The following NUCB2 variants were observed in gnomAD, a reference collection of about 807,000 sequenced individuals.
The protein encoded by NUCB2 is nucleobindin 2.
NUCB2 carries 48 observed loss-of-function variants against 57.9 expected under a neutral mutation model. That is an observed-to-expected ratio of 0.83 (90% CI 0.66 to 1.05). The LOEUF (loss-of-function observed/expected upper bound fraction) is 1.05, where lower values mean the gene tolerates loss of function less well. Among genes scored for constraint, NUCB2 ranks in the 50% least tolerant of loss-of-function variants. NUCB2 has a pLI of 0.00. For missense variants in NUCB2, 442 were observed against 476.2 expected, an observed-to-expected ratio of 0.93 and a Z score of 0.67; for synonymous variants, 139 against 152.1, an observed-to-expected ratio of 0.91 and a Z score of 0.64.
intron 11 of NUCB2, among the ~76,000 whole-genome samples, chr11:17,320,312 A>C (rs1384010283): frequency 6.6e-6 from 1 of 152,202 alleles, no homozygotes; most frequent in Non-Finnish European, 1.5e-5. Context: ...CCTAGAATGT[A>C]CAAGAAGTTT....
chr11:17,333,583 C>G (rs986779737), downstream of NUCB2: 1 of 152,284 alleles, frequency 6.6e-6, no homozygotes, highest in African/African-American at 2.4e-5. Context: ...TCTCCATCCC[C>G]TTTGTTCTTA....
In NUCB2 at chr11:17,303,622, C is replaced by T. The variant is rs577623126; in HGVS notation, c.379+1752C>T. Among the ~76,000 whole-genome samples, 192 of 152,278 alleles carry T rather than the reference C, an allele frequency of 1.3e-3. 1 individual carries two copies. The highest frequency in any genetic ancestry group is 4.4e-3 in the African/African-American group (181 of 41,552). Reference sequence around the variant, plus strand: ...TTATCTTGCTGGGCATGATGGCTCACGCCTGTAATCCCAGCACTTTGGGAG... The same window carrying T: ...TTATCTTGCTGGGCATGATGGCTCATGCCTGTAATCCCAGCACTTTGGGAG... On this transcript the variant is annotated intron_variant, in intron 5 of 13. Coordinates refer to ENST00000529010, the MANE Select transcript of NUCB2 (RefSeq NM_005013.4).
intron 2 of NUCB2, among the ~76,000 whole-genome samples, chr11:17,342,950 G>T (rs1340174569): frequency 6.6e-5 from 10 of 152,116 alleles, no homozygotes; most frequent in Admixed American, 6.6e-4. Flanking sequence ...GGGAGTCTAA[G>T]TCTCTTTGTA....
chr11:17,303,786 GA>G (rs1565412663), intron 5 of NUCB2, among the ~76,000 whole-genome samples: 1 of 151,534 alleles, frequency 6.6e-6, no homozygotes, highest in Non-Finnish European at 1.5e-5. Flanking sequence ...TTAGAAGGCT[GA>G]GGCAGGAGAA....
intron 2 of NUCB2, among the ~76,000 whole-genome samples, chr11:17,292,134 A>G (rs1291450370): frequency 6.6e-6 from 1 of 152,188 alleles, no homozygotes; most frequent in Non-Finnish European, 1.5e-5. Context: ...ACTAAGTTCA[A>G]GTTAAATTCT....
rs1362495778 is a variant in NUCB2, at chr11:17,330,308, G to C, written c.1173+11G>C. 6.3e-7 allele frequency: 1 copy of C among 1,579,990 alleles called. No individual in the cohort carries two copies. Among genetic ancestry groups the C allele is most frequent in the East Asian group, 2.3e-5 (1 of 44,394 alleles). On this transcript the variant is annotated intron_variant, in intron 12 of 13. Transcript: ENST00000529010. The surrounding 1 kb of genome is among the most constrained non-coding windows in gnomAD (Gnocchi z 4.3). ...CTGGAATATCATCAGGTGGCATTTT[G>C]TCAAAAGATTATGGCATTAAAAAGA...
intron 5 of NUCB2, among the ~76,000 whole-genome samples, chr11:17,308,114 G>A (rs1432837970): frequency 6.6e-6 from 1 of 152,110 alleles, no homozygotes; most frequent in Non-Finnish European, 1.5e-5. Context: ...TTAGAATTCA[G>A]TGAAAACTTG....
At chr11:17,282,495 A>G (rs1942914139) in intron 1 of NUCB2, among the ~76,000 whole-genome samples, 1 of 152,030 alleles carries the variant, frequency 6.6e-6, no homozygotes, top group African/African-American at 2.4e-5. Context: ...TCCTGACCTC[A>G]GGTGATCTCT....
chr11:17,295,172 A>G lies in NUCB2; in HGVS notation c.1-152A>G. 3.6e-6 allele frequency: 2 copies of G among 557,084 alleles called. No individual in the cohort carries two copies. Among genetic ancestry groups the G allele is most frequent in the South Asian group, 4.1e-5 (1 of 24,108 alleles). The allele number at this position is 557,084 out of a possible 1,614,324, so 34.5% of individuals were successfully genotyped here. ...TCTATTTTAAGCATTATTTTTGACA[A>G]GTTTTAATCTATTCTTTCCTTTCCT... On this transcript the variant is annotated intron_variant, in intron 2 of 13. Transcript: ENST00000529010.
At chr11:17,303,432 A>G (rs1947093587) in intron 5 of NUCB2, among the ~76,000 whole-genome samples, 1 of 152,224 alleles carries the variant, frequency 6.6e-6, no homozygotes, top group Non-Finnish European at 1.5e-5. Flanking sequence ...AGTCCTAAGG[A>G]GAAAAAAATC....
chr11:17,340,210 T>G (rs1416973577), intron 2 of NUCB2, among the ~76,000 whole-genome samples: 1 of 152,246 alleles, frequency 6.6e-6, no homozygotes, highest in Admixed American at 6.5e-5. Flanking sequence ...GTTTTTTTCT[T>G]GCAAATTTGT....
At chr11:17,308,599 G>C (rs937115704) in intron 5 of NUCB2, among the ~76,000 whole-genome samples, 2 of 152,088 alleles carry the variant, frequency 1.3e-5, no homozygotes, top group African/African-American at 4.8e-5. Context: ...AGAAGGGCTC[G>C]TATTGCGTTG....
chr11:17,334,109 T>A (rs977076256), downstream of NUCB2: 3 of 152,248 alleles, frequency 2.0e-5, no homozygotes, highest in African/African-American at 7.2e-5. Context: ...GGCCTTCGAC[T>A]TGCTGTGCTT....
rs188532825 is a variant in NUCB2, at chr11:17,344,408, A to G, written n.2627-4937A>G. ...TTACTTCTTCACTACTTTTGCCTGG[A>G]TGACCTGAATTTTAATCAAGAAGTT... is the stretch of plus-strand genomic sequence containing the variant. On this transcript the variant is annotated intron_variant and non_coding_transcript_variant, in intron 2 of 2. Transcript: ENST00000532240. 2.0e-5 allele frequency among the ~76,000 whole-genome samples: 3 copies of G among 152,182 alleles called. 1 individual carries two copies. Among genetic ancestry groups the G allele is most frequent in the Non-Finnish European group, 4.4e-5 (3 of 68,036 alleles).
intron 2 of NUCB2, 25 bp downstream of exon 2, chr11:17,282,968 G>A (rs1458431344): frequency 6.6e-6 from 1 of 151,920 alleles, no homozygotes; most frequent in Non-Finnish European, 1.5e-5. Context: ...ATTGCATTTG[G>A]TTGCAAAGAA....
intron 5 of NUCB2, among the ~76,000 whole-genome samples, chr11:17,303,120 A>T (rs1412740743): frequency 6.6e-6 from 1 of 152,090 alleles, no homozygotes; most frequent in Non-Finnish European, 1.5e-5. Context: ...GCCTCAAGTA[A>T]TCCTGAGTTG....
At chr11:17,298,449 TC>T (rs1160237094) in intron 4 of NUCB2, among the ~76,000 whole-genome samples, 1 of 151,744 alleles carries the variant, frequency 6.6e-6, no homozygotes, top group African/African-American at 2.4e-5. Flanking sequence ...GTGCCTGTAG[TC>T]CCAGCTGCTC....
At chr11:17,308,100 A>G (rs934463291) in intron 5 of NUCB2, among the ~76,000 whole-genome samples, 1 of 152,188 alleles carries the variant, frequency 6.6e-6, no homozygotes, top group Admixed American at 6.5e-5. Context: ...GTACAGTGCC[A>G]TACTTAGAAT....
intron 11 of NUCB2, among the ~76,000 whole-genome samples, chr11:17,329,532 A>G (rs1298734010): frequency 6.6e-6 from 1 of 152,244 alleles, no homozygotes; most frequent in Admixed American, 6.5e-5. Context: ...GCAGTGGTGG[A>G]GCCCAGCACA....
Sources: allele counts gnomAD v4.1 joint callset (sites outside exome capture counted in the v4.1 genomes callset), GRCh38; gene constraint gnomAD v4.1.1; non-coding constraint Gnocchi (gnomAD v3.1); transcripts MANE v1.5; gene names NCBI Gene and HGNC (gene_info 2026-07-23, HGNC 2026-07-21).